Variants in RPS6KC1 observed in about 807,000 individuals in gnomAD.
The protein encoded by RPS6KC1 is inactive ribosomal protein S6 kinase delta-1.
Under a neutral mutation model 103.8 loss-of-function variants are expected in RPS6KC1, and 54 were observed. That is an observed-to-expected ratio of 0.52 (90% CI 0.42 to 0.65). RPS6KC1 has a LOEUF of 0.65. Ranked by LOEUF, RPS6KC1 falls within the 30% of genes least tolerant of loss-of-function variation. The probability of loss-of-function intolerance (pLI) is 0.00; values close to 1 mark genes in which losing one functional copy is unlikely to be tolerated. For synonymous variants in RPS6KC1, 439 were observed against 438.7 expected (o/e 1.00, Z -0.01); for missense variants, 1,151 against 1,253.8 (o/e 0.92, Z 1.24).
intron 1 of RPS6KC1, among the ~76,000 whole-genome samples, chr1:213,064,066 A>T (rs1038864923): frequency 6.6e-6 from 1 of 151,860 alleles, no homozygotes; most frequent in East Asian, 1.9e-4. Context: ...ATTTTTATTT[A>T]TTTTTTTTGA....
At chr1:213,167,481 C>G (rs2091080327) in intron 6 of RPS6KC1, among the ~76,000 whole-genome samples, 1 of 138,558 alleles carries the variant, frequency 7.2e-6, no homozygotes, top group Admixed American at 7.1e-5. Context: ...CACACACACA[C>G]ACACACACAA....
the RPS6KC1 span, among the ~76,000 whole-genome samples, chr1:213,710,404 T>A: frequency 6.6e-6 from 1 of 152,244 alleles, no homozygotes; most frequent in Admixed American, 6.5e-5. Context: ...TGAGCCTATA[T>A]GTGTCTTTGC....
chr1:213,605,872 G>A, the RPS6KC1 span, among the ~76,000 whole-genome samples: 1 of 152,160 alleles, frequency 6.6e-6, no homozygotes, highest in Non-Finnish European at 1.5e-5. Context: ...CATGTGCAAG[G>A]GAGACAACGC....
At chr1:213,165,633 C>T (rs1177898231) in intron 6 of RPS6KC1, among the ~76,000 whole-genome samples, 1 of 152,124 alleles carries the variant, frequency 6.6e-6, no homozygotes, top group East Asian at 1.9e-4. Flanking sequence ...CCATGTTAGC[C>T]AGGATGGTCT....
the RPS6KC1 span, among the ~76,000 whole-genome samples, chr1:213,756,742 A>G: frequency 1.1e-4 from 16 of 151,828 alleles, no homozygotes; most frequent in East Asian, 3.1e-3. Context: ...TCACCCTCTC[A>G]AGTATTTGGG....
the RPS6KC1 span, among the ~76,000 whole-genome samples, chr1:213,674,947 T>C: frequency 6.6e-6 from 1 of 152,214 alleles, no homozygotes; most frequent in Non-Finnish European, 1.5e-5. Flanking sequence ...TTTTGAGAAG[T>C]GTCTGTTCGT....
intron 6 of RPS6KC1, among the ~76,000 whole-genome samples, chr1:213,137,752 G>GCTCTCTCTCTCTCTCTCTCT (rs149436919): frequency 1.4e-3 from 17 of 12,208 alleles, no homozygotes; most frequent in African/African-American, 2.0e-3. Flanking sequence ...AGTCCAGTTT[G>GCTCTCTCTCTCTCTCTCTCT]CTCTCTCTCT....
At chr1:213,088,663 T>TAATAC in intron 3 of RPS6KC1, among the ~76,000 whole-genome samples, 1 of 152,260 alleles carries the variant, frequency 6.6e-6, no homozygotes, top group Non-Finnish European at 1.5e-5. Flanking sequence ...GCGCCTGGCC[T>TAATAC]CATGGCTAAT....
At chr1:213,436,402 G>C in the RPS6KC1 span, among the ~76,000 whole-genome samples, 1 of 152,188 alleles carries the variant, frequency 6.6e-6, no homozygotes, top group Non-Finnish European at 1.5e-5. Context: ...TTTACAAAAA[G>C]TACCTGGGTC....
intron 12 of RPS6KC1, among the ~76,000 whole-genome samples, chr1:213,244,383 TA>T (rs1293588355): frequency 6.6e-6 from 1 of 152,156 alleles, no homozygotes; most frequent in Non-Finnish European, 1.5e-5. Flanking sequence ...GGGAACCATA[TA>T]ACAAAACAAA....
intron 8 of RPS6KC1, among the ~76,000 whole-genome samples, chr1:213,227,903 ATC>A (rs781382913): frequency 6.6e-6 from 1 of 152,124 alleles, no homozygotes; most frequent in Non-Finnish European, 1.5e-5. Context: ...ATCCAGTGTA[ATC>A]TCTCTGTTTT....
intron 3 of RPS6KC1, among the ~76,000 whole-genome samples, chr1:213,101,757 TACTA>T (rs1441000816): frequency 1.3e-5 from 2 of 152,218 alleles, no homozygotes; most frequent in African/African-American, 4.8e-5. Flanking sequence ...TTTACACAAT[TACTA>T]ATATTAATTT....
chr1:213,726,794 A>G, the RPS6KC1 span, among the ~76,000 whole-genome samples: 1 of 152,208 alleles, frequency 6.6e-6, no homozygotes, highest in African/African-American at 2.4e-5. Context: ...TATTAAAATG[A>G]ATGTAGGTTT....
At chr1:213,292,193 A>G in the RPS6KC1 span, among the ~76,000 whole-genome samples, 2 of 152,114 alleles carry the variant, frequency 1.3e-5, no homozygotes, top group East Asian at 1.9e-4. Flanking sequence ...TGGCACATGT[A>G]TACCTATGTA....
At chr1:213,753,477 C>T in the RPS6KC1 span, among the ~76,000 whole-genome samples, 4 of 152,138 alleles carry the variant, frequency 2.6e-5, no homozygotes, top group East Asian at 7.7e-4. Flanking sequence ...ATAAGAAGCC[C>T]ATTCCTGGGG....
At chr1:213,733,960 G>C in the RPS6KC1 span, among the ~76,000 whole-genome samples, 1 of 152,176 alleles carries the variant, frequency 6.6e-6, no homozygotes, top group Admixed American at 6.5e-5. Flanking sequence ...GCAAATGCTG[G>C]AAATGTTTGA....
At chr1:213,303,337 G>A in the RPS6KC1 span, among the ~76,000 whole-genome samples, 3 of 152,298 alleles carry the variant, frequency 2.0e-5, no homozygotes, top group South Asian at 4.1e-4. Flanking sequence ...AAGATTCATC[G>A]TAGGATTTTC....
At chr1:213,760,258 C>T in the RPS6KC1 span, among the ~76,000 whole-genome samples, 1 of 152,216 alleles carries the variant, frequency 6.6e-6, no homozygotes, top group Non-Finnish European at 1.5e-5. Flanking sequence ...CATACACACA[C>T]ACCACAAACA....
the RPS6KC1 span, among the ~76,000 whole-genome samples, chr1:213,498,379 A>G: frequency 4.6e-5 from 7 of 152,380 alleles, no homozygotes; most frequent in Non-Finnish European, 1.0e-4. Flanking sequence ...AATAGTTCAG[A>G]TAAAAAGATA....
Sources: gnomAD v4.1 joint callset for allele counts (sites outside exome capture counted in the v4.1 genomes callset) on GRCh38, gnomAD v4.1.1 for gene constraint, MANE v1.5 for transcripts, NCBI Gene and HGNC (gene_info 2026-07-23, HGNC 2026-07-21) for gene names.